The following ADGRV1 variants were observed in gnomAD, a reference collection of about 807,000 sequenced individuals.
ADGRV1 encodes adhesion G protein-coupled receptor V1.
A neutral mutation model predicts 596.2 loss-of-function variants in ADGRV1; 359 were observed. The observed-to-expected ratio is 0.60, with a 90% CI of 0.55 to 0.66. The LOEUF (loss-of-function observed/expected upper bound fraction) is 0.66, where lower values mean the gene tolerates loss of function less well. Among genes scored for constraint, ADGRV1 ranks in the 30% least tolerant of loss-of-function variants. The pLI is 0.00. For synonymous variants in ADGRV1, 2,681 were observed against 2,679.2 expected (o/e 1.00, Z -0.02); for missense variants, 7,274 against 7,575.6 (o/e 0.96, Z 1.48).
intron 85 of ADGRV1, among the ~76,000 whole-genome samples, chr5:91,012,252 A>G (rs1782781028): frequency 6.6e-6 from 1 of 152,016 alleles, no homozygotes; most frequent in South Asian, 2.1e-4. Context: ...AGCTTGGTCT[A>G]CAACTGTTAG....
intron 83 of ADGRV1, among the ~76,000 whole-genome samples, chr5:90,959,866 G>A (rs1011337102): frequency 3.3e-4 from 50 of 152,240 alleles, no homozygotes; most frequent in African/African-American, 1.0e-3. Flanking sequence ...GTGTCTGGGC[G>A]CAGTGGCTCA....
chr5:90,856,350 A>G (rs555392548), intron 82 of ADGRV1, among the ~76,000 whole-genome samples: 1 of 152,208 alleles, frequency 6.6e-6, no homozygotes, highest in Non-Finnish European at 1.5e-5. Context: ...GTATTCTACA[A>G]CTTAAGAGTT....
chr5:90,736,037 A>C (rs1753182816), intron 50 of ADGRV1, among the ~76,000 whole-genome samples: 1 of 152,144 alleles, frequency 6.6e-6, no homozygotes, highest in African/African-American at 2.4e-5. Context: ...AATAGTGGGC[A>C]TCTTTGTCTT....
chr5:90,889,638 T>G (rs1372237841), intron 83 of ADGRV1, among the ~76,000 whole-genome samples: 1 of 152,126 alleles, frequency 6.6e-6, no homozygotes, highest in Non-Finnish European at 1.5e-5. Flanking sequence ...CAGATAAAAA[T>G]AGCCAGATTT....
At chr5:91,047,638 C>T (rs577682877) in intron 85 of ADGRV1, among the ~76,000 whole-genome samples, 4 of 152,256 alleles carry the variant, frequency 2.6e-5, no homozygotes, top group Admixed American at 2.6e-4. Context: ...AAATGTTGAT[C>T]TCCTTTGGCA....
In ADGRV1 at chr5:90,694,651, C is replaced by T. The variant is rs772597223; in HGVS notation, c.7895C>T (p.Thr2632Ile). The T allele has an allele frequency of 6.2e-7, 1 of 1,611,892 alleles. No homozygotes were observed. The highest frequency in any genetic ancestry group is 1.7e-5 in the Admixed American group (1 of 59,890). Residue 2632 changes from threonine to isoleucine, a missense_variant, in exon 33 of 90, where the codon ACT becomes ATT. By Grantham distance (89) the Thr-to-Ile change is moderately conservative. Around this residue, in one of 5 missense-constraint regions of ADGRV1, gnomAD observed 3,643 missense variants for 3,809.2 expected, o/e 0.96. Transcript: ENST00000405460. ...TGGCGTGTTGTTGGTGGAACAGCTA[C>T]TGAAGGTTTAGATTTTATAGGTGCT... ...VEWRVVGGTA[T>I]EGLDFIGAGE...
At chr5:90,896,680 T>A (rs1412905409) in intron 83 of ADGRV1, among the ~76,000 whole-genome samples, 2 of 152,172 alleles carry the variant, frequency 1.3e-5, no homozygotes, top group Non-Finnish European at 2.9e-5. Flanking sequence ...CACCCATTCA[T>A]CTGGTTTGGC....
Position 91,017,118 on chromosome 5 carries a change from T to C in ADGRV1, c.18152+31596T>C, listed in dbSNP as rs570328894. ...CTACAAGCATGGCTTTCAAAATGGATATATGTGACTCATGAAGAGCCTTGT... is the reference window on the plus strand; with the variant it reads ...CTACAAGCATGGCTTTCAAAATGGACATATGTGACTCATGAAGAGCCTTGT... On this transcript the variant is annotated intron_variant, in intron 85 of 89. Transcript: ENST00000405460. 2.0e-5 allele frequency among the ~76,000 whole-genome samples: 3 copies of C among 152,050 alleles called. No individual in the cohort carries two copies. The East Asian group carries it at 5.8e-4, about 29-fold the overall frequency.
At chr5:90,861,679 T>C (rs11960737) in intron 82 of ADGRV1, among the ~76,000 whole-genome samples, 1,532 of 152,324 alleles carry the variant, frequency 0.01, 31 homozygotes, top group African/African-American at 0.036. Flanking sequence ...TGCATATTTA[T>C]ATTAAGGAAT....
chr5:90,851,629 G>A (rs7729597), intron 79 of ADGRV1, among the ~76,000 whole-genome samples: 8,867 of 152,178 alleles, frequency 0.058, 884 homozygotes, highest in African/African-American at 0.2. Context: ...GTGAATTTGC[G>A]GTGGTGCCAA....
At chr5:91,072,164 G>T (rs1788444965) in intron 85 of ADGRV1, among the ~76,000 whole-genome samples, 1 of 152,220 alleles carries the variant, frequency 6.6e-6, no homozygotes, top group African/African-American at 2.4e-5. Context: ...TCTATGAGAT[G>T]TATATAGTGT....
At chr5:90,991,855 A>C (rs1433868633) in intron 85 of ADGRV1, among the ~76,000 whole-genome samples, 2 of 152,236 alleles carry the variant, frequency 1.3e-5, no homozygotes, top group East Asian at 3.8e-4. Flanking sequence ...TTTTCATTAA[A>C]TTACTTTAAA....
chr5:90,966,480 C>T (rs1383116964), intron 84 of ADGRV1, among the ~76,000 whole-genome samples: 2 of 137,394 alleles, frequency 1.5e-5, no homozygotes, highest in East Asian at 4.2e-4. Flanking sequence ...TGCAGTAAGC[C>T]GAAATGGCAC....
intron 83 of ADGRV1, among the ~76,000 whole-genome samples, chr5:90,901,783 C>A (rs1169411516): frequency 1.3e-5 from 2 of 152,028 alleles, no homozygotes; most frequent in African/African-American, 4.8e-5. Context: ...CAACTTCTTC[C>A]TTTTTAAAAA....
rs149708301 is a variant in ADGRV1 at position 90,871,142 on chromosome 5, T to C, written c.17856+7285T>C. Among the ~76,000 whole-genome samples the C allele has an allele frequency of 3.0e-3, 462 of 152,304 alleles. 7 individuals carry two copies. The highest frequency in any genetic ancestry group is 0.011 in the African/African-American group (445 of 41,570). ...ATAATTAGCAATTATCAAATAATTATATAAGTCATTCTACAACCAAAAATA... is the reference window on the plus strand; with the variant it reads ...ATAATTAGCAATTATCAAATAATTACATAAGTCATTCTACAACCAAAAATA... On this transcript the variant is annotated intron_variant, in intron 83 of 89. Coordinates refer to ENST00000405460, the MANE Select transcript of ADGRV1 (RefSeq NM_032119.4).
At chr5:90,740,842 T>G (rs1194510136) in intron 50 of ADGRV1, among the ~76,000 whole-genome samples, 1 of 152,154 alleles carries the variant, frequency 6.6e-6, no homozygotes, top group African/African-American at 2.4e-5. Flanking sequence ...GGGAATCTCT[T>G]GTGTGCCGGA....
At chr5:90,714,555 T>C (rs1031282174) in intron 42 of ADGRV1, among the ~76,000 whole-genome samples, 1 of 152,072 alleles carries the variant, frequency 6.6e-6, no homozygotes, top group Non-Finnish European at 1.5e-5. Context: ...TATTTTACTA[T>C]ATTTTCTACT....
intron 83 of ADGRV1, among the ~76,000 whole-genome samples, chr5:90,898,946 T>TA (rs1771580114): frequency 6.6e-6 from 1 of 151,708 alleles, no homozygotes; most frequent in African/African-American, 2.4e-5. Flanking sequence ...ACCCTGTCTC[T>TA]AAAAAAATAA....
At chr5:90,889,828 A>G (rs1302743799) in intron 83 of ADGRV1, among the ~76,000 whole-genome samples, 1 of 152,148 alleles carries the variant, frequency 6.6e-6, no homozygotes, top group Non-Finnish European at 1.5e-5. Flanking sequence ...CCCTATCAAA[A>G]GTGTGTACTG....
Sources: gnomAD v4.1 joint callset for allele counts (sites outside exome capture counted in the v4.1 genomes callset) on GRCh38, gnomAD v4.1.1 for gene constraint, gnomAD v4.1.1 regional missense constraint, MANE v1.5 for transcripts, NCBI Gene and HGNC (gene_info 2026-07-23, HGNC 2026-07-21) for gene names.